LCA5: variants seen among roughly 807,000 people sequenced by gnomAD.
The protein encoded by LCA5 is lebercilin LCA5, also known as lebercilin.
In LCA5, 37 loss-of-function variants were observed where a neutral mutation model predicts 53.0. The ratio of observed to expected loss-of-function variants is 0.70; its 90% CI spans 0.54 to 0.92. The LOEUF (loss-of-function observed/expected upper bound fraction) is 0.92, where lower values mean the gene tolerates loss of function less well. Ranked by LOEUF, LCA5 falls within the 40% of genes least tolerant of loss-of-function variation. LCA5 has a pLI of 0.00. For missense variants in LCA5, 806 were observed against 790.5 expected, an observed-to-expected ratio of 1.02 and a Z score of -0.23; for synonymous variants, 303 against 282.9, an observed-to-expected ratio of 1.07 and a Z score of -0.71.
chr6:79,523,265 T>C (rs1766679525), intron 1 of LCA5, among the ~76,000 whole-genome samples: 1 of 152,104 alleles, frequency 6.6e-6, no homozygotes, highest in Non-Finnish European at 1.5e-5. Flanking sequence ...ATTAAAAATA[T>C]ACATAAATCA....
chr6:79,538,324 A>G (rs1767220613), upstream of LCA5, among the ~76,000 whole-genome samples: 1 of 152,002 alleles, frequency 6.6e-6, no homozygotes, highest in Admixed American at 6.6e-5. Flanking sequence ...GAATCTTCTA[A>G]CCATGAAGAT....
At chr6:79,504,929 T>TA (rs1770237143) in intron 3 of LCA5, among the ~76,000 whole-genome samples, 3 of 152,164 alleles carry the variant, frequency 2.0e-5, no homozygotes, top group African/African-American at 2.4e-5. Context: ...TACACTCCCA[T>TA]CTGTGGTAAG....
intron 1 of LCA5, among the ~76,000 whole-genome samples, chr6:79,527,166 C>A (rs1323516159): frequency 6.6e-6 from 1 of 152,104 alleles, no homozygotes; most frequent in East Asian, 1.9e-4. Context: ...AGCTGAACAG[C>A]AGCAGATTCA....
intron 3 of LCA5, among the ~76,000 whole-genome samples, chr6:79,497,979 A>C (rs1311599543): frequency 6.6e-6 from 1 of 151,012 alleles, no homozygotes; most frequent in African/African-American, 2.4e-5. Context: ...AAAAAGAAAG[A>C]TATGATTAAG....
chr6:79,529,113 G>A (rs1766879270), intron 1 of LCA5, among the ~76,000 whole-genome samples: 1 of 152,174 alleles, frequency 6.6e-6, no homozygotes, highest in Non-Finnish European at 1.5e-5. Flanking sequence ...TCCCTCGTGT[G>A]AGGGGACTAG....
intron 2 of LCA5, 83 bp from the exon 3 acceptor site, chr6:79,513,824 T>C (rs1766340780): frequency 1.6e-6 from 2 of 1,240,700 alleles, no homozygotes; most frequent in Non-Finnish European, 2.3e-6. Flanking sequence ...AGTGGGTCCG[T>C]AACATTCTTT....
Position 79,513,759 on chromosome 6 carries a change from A to G in LCA5, c.191-18T>C. The G allele has an allele frequency of 6.2e-7, 1 of 1,611,874 alleles. No individual in the cohort carries two copies. The highest frequency in any genetic ancestry group is 2.2e-5 in the East Asian group (1 of 44,876). The stretch of plus-strand genomic sequence containing the variant: ...CCGAGGGGCTAAAAAAGAAACAGGA[A>G]TAATGTAAAGTGAAAGCTGTACCAA... On this transcript the variant is annotated intron_variant, in intron 2 of 7. Transcript: ENST00000369846.
At position 79,518,757 on chromosome 6, in the gene LCA5, A is replaced by G; in HGVS notation, c.138T>C (p.Val46=). Reference sequence around the variant, plus strand: ...TTTGTCTTTTAGGATTTTTTCTCCTAACACTTGCAGGTGAAGAACTGACCA... The same window carrying G: ...TTTGTCTTTTAGGATTTTTTCTCCTGACACTTGCAGGTGAAGAACTGACCA... ...SSLVSSSPAS[V]RRKNPKRQTS... is the part of the protein sequence containing the mutation. Residue 46 remains valine (V), a synonymous_variant, in exon 2 of 8, where the codon GTT becomes GTC. Transcript: ENST00000369846. 6.2e-7 allele frequency: 1 copy of G among 1,614,130 alleles called. No individual in the cohort carries two copies. The highest frequency in any genetic ancestry group is 8.5e-7 in the Non-Finnish European group (1 of 1,180,004).
chr6:79,534,009 A>G (rs1011951580), intron 1 of LCA5, among the ~76,000 whole-genome samples: 3 of 150,702 alleles, frequency 2.0e-5, no homozygotes, highest in African/African-American at 7.3e-5. Flanking sequence ...ATGAGATAAA[A>G]GTAAAAACCA....
rs1473450463 is a variant in LCA5, at chr6:79,485,073, A to AG, written c.*1930dup. The AG allele has an allele frequency of 6.6e-6, 1 of 152,602 alleles. No individual in the cohort carries two copies. Among genetic ancestry groups the AG allele is most frequent in the Admixed American group, 6.5e-5 (1 of 15,270 alleles). The allele number at this position is 152,602 out of a possible 1,614,324, so 9.5% of individuals were successfully genotyped here. On this transcript the variant is annotated 3_prime_UTR_variant, in exon 8 of 8. Coordinates refer to ENST00000369846, the MANE Select transcript of LCA5 (RefSeq NM_001122769.3). ...AGAAAAAAAAACAATTTACCCTGTA[A>AG]GGTTTGTTCATAAGGAAAACCCTGT...
intron 1 of LCA5, among the ~76,000 whole-genome samples, chr6:79,529,555 A>C (rs543462168): frequency 3.9e-5 from 6 of 152,258 alleles, no homozygotes; most frequent in African/African-American, 1.4e-4. Flanking sequence ...AGGTATCCTT[A>C]TAAGGGTAAC....
chr6:79,489,305 C>A, intron 6 of LCA5, 89 bp from the exon 7 acceptor site: 1 of 1,287,532 alleles, frequency 7.8e-7, no homozygotes, highest in Non-Finnish European at 1.1e-6. Context: ...AACATGATTA[C>A]CAACTAAGTT....
At chr6:79,532,199 T>C (rs1040898055) in intron 1 of LCA5, among the ~76,000 whole-genome samples, 3 of 152,164 alleles carry the variant, frequency 2.0e-5, no homozygotes, top group African/African-American at 7.2e-5. Context: ...CTCCATACTA[T>C]ATTCCAGATC....
chr6:79,518,879 C>T lies in LCA5; in HGVS notation c.16G>A (p.Gly6Arg). Residue 6 changes from glycine to arginine, a missense_variant, in exon 2 of 8, where the codon GGA becomes AGA. Gly to Arg is a moderately radical substitution (Grantham distance 125). Transcript: ENST00000369846. MGERA[G>R]SPGTDQERKA... The stretch of plus-strand genomic sequence containing the variant: ...CTTTCTTGATCAGTACCTGGACTTC[C>T]TGCTCTTTCCCCCATTGTTTTGAAA... 6.2e-7 allele frequency: 1 copy of T among 1,614,100 alleles called. No individual in the cohort carries two copies. The highest frequency in any genetic ancestry group is 8.5e-7 in the Non-Finnish European group (1 of 1,179,990).
intron 7 of LCA5, chr6:79,488,644 T>C (rs1012026146): frequency 4.8e-6 from 1 of 209,810 alleles, no homozygotes; most frequent in East Asian, 1.1e-4. Flanking sequence ...TTTGGGGAAA[T>C]ATACATACAA....
chr6:79,538,668 G>T (rs1419108921), upstream of LCA5, among the ~76,000 whole-genome samples: 4 of 152,190 alleles, frequency 2.6e-5, no homozygotes, highest in African/African-American at 7.2e-5. Flanking sequence ...ACTTATAAAG[G>T]AAGTTGCTAG....
In LCA5 at chr6:79,486,781, T is replaced by C. The variant is rs2292109; in HGVS notation, c.*223A>G. 194,065 of 453,132 alleles carry C rather than the reference T, an allele frequency of 0.43. 45,540 individuals carry two copies. The highest frequency in any genetic ancestry group is 0.82 in the East Asian group (21,853 of 26,798). 28.1% of individuals were successfully genotyped at this position (453,132 alleles called of 1,614,324 possible). ...AAAATCTATTTCATTTTTCAAGACA[T>C]ATTTTTATTTTTGGTTTCATTCAAA... On this transcript the variant is annotated 3_prime_UTR_variant, in exon 8 of 8. Transcript: ENST00000369846.
At chr6:79,530,109 AAT>A (rs889770370) in intron 1 of LCA5, among the ~76,000 whole-genome samples, 2 of 151,870 alleles carry the variant, frequency 1.3e-5, no homozygotes, top group African/African-American at 4.8e-5. Context: ...GTATAATAAA[AAT>A]ATATATATAT....
At chr6:79,497,797 AC>A (rs1454570605) in intron 3 of LCA5, among the ~76,000 whole-genome samples, 1 of 151,800 alleles carries the variant, frequency 6.6e-6, no homozygotes, top group African/African-American at 2.4e-5. Context: ...ACATGGTAAA[AC>A]CTCATCTCTA....
Sources: gnomAD v4.1 joint callset for allele counts (sites outside exome capture counted in the v4.1 genomes callset) on GRCh38, gnomAD v4.1.1 for gene constraint, MANE v1.5 for transcripts, NCBI Gene and HGNC (gene_info 2026-07-23, HGNC 2026-07-21) for gene names.